ABCA10: variants seen among roughly 807,000 people sequenced by gnomAD.
The protein encoded by ABCA10 is ATP binding cassette subfamily A member 10, also known as ATP-binding cassette sub-family A member 10.
ABCA10 carries 169 observed loss-of-function variants against 187.5 expected under a neutral mutation model. The ratio of observed to expected loss-of-function variants is 0.90; its 90% confidence interval spans 0.80 to 1.02. The LOEUF (loss-of-function observed/expected upper bound fraction) is 1.02, where lower values mean the gene tolerates loss of function less well. Among genes scored for constraint, ABCA10 ranks in the 50% least tolerant of loss-of-function variants. The pLI, the probability that ABCA10 is intolerant of heterozygous loss-of-function variation, is 0.00. For missense variants in ABCA10, 1,727 were observed against 1,812.4 expected (o/e 0.95, Z 0.86); for synonymous variants, 574 against 601.8 (o/e 0.95, Z 0.68).
chr17:69,155,166 T>C (rs1035878341), intron 29 of ABCA10, 30 bp from the exon 30 acceptor site: 1 of 1,501,580 alleles, frequency 6.7e-7, no homozygotes, highest in Non-Finnish European at 9.2e-7. Flanking sequence ...ATGATTTCCC[T>C]GTTAAATTTC....
intron 1 of ABCA10, among the ~76,000 whole-genome samples, chr17:69,244,127 T>C (rs2074924852): frequency 6.6e-6 from 1 of 152,138 alleles, no homozygotes; most frequent in Non-Finnish European, 1.5e-5. Flanking sequence ...ACCTGTTATA[T>C]GTGATAATGT....
intron 9 of ABCA10, among the ~76,000 whole-genome samples, chr17:69,205,426 C>T (rs2074583979): frequency 6.6e-6 from 1 of 152,216 alleles, no homozygotes; most frequent in Non-Finnish European, 1.5e-5. Context: ...GTGCCAAACA[C>T]TGTTGTGATG....
In ABCA10 at chr17:69,153,856, C is replaced by T. The variant is rs1401028542; in HGVS notation, c.3940G>A (p.Glu1314Lys). 7 of 1,613,836 alleles carry T rather than the reference C, an allele frequency of 4.3e-6. No individual in the cohort carries two copies. The highest frequency in any genetic ancestry group is 5.9e-6 in the Non-Finnish European group (7 of 1,179,854). The change falls in exon 32 of 39, where the codon GAA (glutamate) becomes AAA (lysine). Residue 1314 changes from glutamate to lysine, a missense_variant. Coordinates refer to ENST00000690296, the MANE Select transcript of ABCA10 (RefSeq NM_001377321.1). The stretch of plus-strand genomic sequence containing the variant: ...CGTGAAATACTGAGAGCAGCATCTT[C>T]TTTGCCCAGTCCTTTCACAGCTGCA... ...LYAAVKGLGKEDAALSISRLV... is the reference protein window; with the variant it reads ...LYAAVKGLGKKDAALSISRLV...
At chr17:69,181,373 G>A (rs182964779) in intron 22 of ABCA10, among the ~76,000 whole-genome samples, 32 of 152,158 alleles carry the variant, frequency 2.1e-4, no homozygotes, top group African/African-American at 7.5e-4. Flanking sequence ...AAAATTATGA[G>A]TTTTCAACAG....
intron 11 of ABCA10, among the ~76,000 whole-genome samples, chr17:69,195,558 T>TC (rs1049960910): frequency 1.0e-3 from 145 of 143,076 alleles, no homozygotes; most frequent in Non-Finnish European, 1.7e-3. Context: ...GTTTTTCTTT[T>TC]TTTTTTTTTT....
At position 69,155,134 on chromosome 17, in the gene ABCA10, T is replaced by A. The variant is rs746050593; in HGVS notation, c.3579A>T (p.Glu1193Asp). Residue 1193 changes from glutamate (E) to aspartate (D), a missense_variant and splice_region_variant, in exon 30 of 39, where the codon GAA becomes GAT. Glu to Asp is a conservative substitution (Grantham distance 45). Transcript: ENST00000690296. ...NALTAPNLEE[E>D]PVITASCLHK... The stretch of plus-strand genomic sequence containing the variant: ...GTAAACAGCTTGCAGTTATGACTGG[T>A]TCCTGGAAAACATGACAAAGCATGA... 6.3e-7 allele frequency: 1 copy of A among 1,594,288 alleles called. No homozygotes were observed.
At position 69,190,447 on chromosome 17, in the gene ABCA10, T is replaced by A. The variant is rs752354953; in HGVS notation, c.2042A>T (p.Asp681Val). Reference protein sequence around the residue: ...DLYSDLDKCSDQGIRNYAVSV... With the variant: ...DLYSDLDKCSVQGIRNYAVSV... ...AACAGCATAATTCCTTATGCCCTGGTCAGAACACTTATCAAGGTCACTGTA... is the reference window on the plus strand; with the variant it reads ...AACAGCATAATTCCTTATGCCCTGGACAGAACACTTATCAAGGTCACTGTA... Residue 681 changes from aspartate to valine, a missense_variant, in exon 18 of 39, where the codon GAC becomes GTC. Physicochemically the swap from Asp to Val is radical, Grantham distance 152 (BLOSUM62 -3). Transcript: ENST00000690296. 13 of 1,582,730 alleles carry A rather than the reference T, an allele frequency of 8.2e-6. No individual in the cohort carries two copies. The African/African-American group carries it at 1.8e-4, about 22-fold the overall frequency.
At chr17:69,230,823 A>G (rs1298241210), upstream of ABCA10, among the ~76,000 whole-genome samples, 2 of 152,134 alleles carry the variant, frequency 1.3e-5, no homozygotes, top group African/African-American at 4.8e-5. Flanking sequence ...TACCTAATCT[A>G]AAAATCTAGC....
At chr17:69,149,944 A>G (rs2144748343) in intron 37 of ABCA10, 40 bp downstream of exon 37, 1 of 1,431,998 alleles carries the variant, frequency 7.0e-7, no homozygotes, top group East Asian at 2.3e-5. Context: ...AAAATATGCA[A>G]CCAATACATA....
Position 69,182,231 on chromosome 17 carries a change from C to T in ABCA10, c.2691G>A (p.Met897Ile). 6.3e-7 allele frequency: 1 copy of T among 1,597,504 alleles called. No individual in the cohort carries two copies. Among genetic ancestry groups the T allele is most frequent in the Non-Finnish European group, 8.5e-7 (1 of 1,171,284 alleles). Residue 897 changes from methionine to isoleucine, a missense_variant, in exon 22 of 39, where the codon ATG (methionine) becomes ATA (isoleucine). Physicochemically the swap from Met to Ile is conservative, Grantham distance 10. Coordinates refer to ENST00000690296, the MANE Select transcript of ABCA10 (RefSeq NM_001377321.1). ...CCATAAGGGCATTGCTAACAATTCC[C>T]ATAAGAACAGGAAAACAATTCAATT... ...TKKLNCFPVL[M>I]GIVSNALMGI...
intron 27 of ABCA10, among the ~76,000 whole-genome samples, chr17:69,159,157 G>A (rs7223736): frequency 0.56 from 84,795 of 151,740 alleles, 25,208 homozygotes; most frequent in Non-Finnish European, 0.67. Context: ...TATCAAAGAT[G>A]TAGAAAAGCT....
At chr17:69,162,222 A>C (rs1450006213) in intron 27 of ABCA10, among the ~76,000 whole-genome samples, 1 of 152,228 alleles carries the variant, frequency 6.6e-6, no homozygotes, top group Non-Finnish European at 1.5e-5. Flanking sequence ...ATTTTTTTGA[A>C]TAACTGTTTA....
At chr17:69,157,164 A>G (rs952346578) in intron 27 of ABCA10, among the ~76,000 whole-genome samples, 1 of 152,208 alleles carries the variant, frequency 6.6e-6, no homozygotes, top group African/African-American at 2.4e-5. Context: ...AAAAACTTTT[A>G]AAAAGCATAG....
intron 10 of ABCA10, among the ~76,000 whole-genome samples, chr17:69,200,472 C>T (rs894090034): frequency 6.6e-6 from 1 of 152,116 alleles, no homozygotes; most frequent in Non-Finnish European, 1.5e-5. Context: ...CTTAAGAATA[C>T]TGCCCAAAAA....
rs1408565181 is a variant in ABCA10, at chr17:69,163,651, A to G, written c.3363+423T>C. Among the ~76,000 whole-genome samples, 3 of 152,244 alleles carry G rather than the reference A, an allele frequency of 2.0e-5. No homozygotes were observed. The South Asian group carries it at 6.2e-4, about 32-fold the overall frequency. On this transcript the variant is annotated intron_variant, in intron 27 of 38. Coordinates refer to ENST00000690296, the MANE Select transcript of ABCA10 (RefSeq NM_001377321.1). ...GTTTCCTCCTTCTGCCTCATTTGCC[A>G]TAATACACAGAAATAACATTTATAT...
Position 69,175,431 on chromosome 17 carries a change from C to T in ABCA10, c.2852G>A (p.Gly951Asp). ...LITNCVSPFI[G>D]MSSISDYKKN... ...TTTATAATCGCTGATGCTGCTCATGCCGATAAAAGGAGAAACGCAGTTTGT... is the reference window on the plus strand; with the variant it reads ...TTTATAATCGCTGATGCTGCTCATGTCGATAAAAGGAGAAACGCAGTTTGT... The change falls in exon 23 of 39, where the codon GGC (glycine) becomes GAC (aspartate). Residue 951 changes from glycine to aspartate, a missense_variant. By Grantham distance (94) the Gly-to-Asp change is moderately conservative (BLOSUM62 -1). Transcript: ENST00000690296. The T allele has an allele frequency of 6.2e-7, 1 of 1,611,434 alleles. No individual in the cohort carries two copies. Among genetic ancestry groups the T allele is most frequent in the Non-Finnish European group, 8.5e-7 (1 of 1,178,394 alleles).
At chr17:69,210,221 C>T (rs538923608) in intron 9 of ABCA10, among the ~76,000 whole-genome samples, 2 of 106,792 alleles carry the variant, frequency 1.9e-5, no homozygotes, top group East Asian at 5.5e-4. Context: ...CTCGCTCTGT[C>T]GCCCAGGCCG....
chr17:69,149,865 G>A, intron 37 of ABCA10, 119 bp downstream of exon 37: 3 of 753,542 alleles, frequency 4.0e-6, no homozygotes, highest in Non-Finnish European at 6.3e-6. Flanking sequence ...TATCCTGGTA[G>A]GGATTTTTCA....
intron 22 of ABCA10, chr17:69,178,953 C>A (rs2074356818): frequency 6.6e-6 from 1 of 152,006 alleles, no homozygotes; most frequent in Non-Finnish European, 1.5e-5. Context: ...ATTTAATATC[C>A]AAATTGCTTC....
Sources: allele counts gnomAD v4.1 joint callset (sites outside exome capture counted in the v4.1 genomes callset), GRCh38; gene constraint gnomAD v4.1.1; transcripts MANE v1.5; gene names NCBI Gene and HGNC (gene_info 2026-07-23, HGNC 2026-07-21).